The following ABCC2 variants were observed in gnomAD, a reference collection of about 807,000 sequenced individuals.
ABCC2 encodes the protein ATP-binding cassette sub-family C member 2.
Under a neutral mutation model 173.4 loss-of-function variants are expected in ABCC2, and 157 were observed. The ratio of observed to expected loss-of-function variants is 0.91; its 90% CI spans 0.80 to 1.03. The LOEUF is 1.03. Among genes scored for constraint, ABCC2 ranks in the 50% least tolerant of loss-of-function variants. The probability of loss-of-function intolerance (pLI) is 0.00; values close to 1 mark genes in which losing one functional copy is unlikely to be tolerated. For missense variants in ABCC2, 1,822 were observed against 1,852.3 expected, an observed-to-expected ratio of 0.98 and a Z score of 0.30; for synonymous variants, 657 against 693.5, an observed-to-expected ratio of 0.95 and a Z score of 0.83.
intron 19 of ABCC2, 78 bp from the exon 20 acceptor site, chr10:99,830,229 G>A (rs2038713973): frequency 1.3e-6 from 2 of 1,587,490 alleles, no homozygotes; most frequent in Non-Finnish European, 1.7e-6. Flanking sequence ...AAGATCAGAG[G>A]AGGCTTCTCT....
intron 29 of ABCC2, 117 bp downstream of exon 29, chr10:99,845,899 C>A: frequency 8.5e-7 from 1 of 1,177,048 alleles, no homozygotes; most frequent in East Asian, 2.6e-5. Context: ...ACGGTCTACT[C>A]GGGATACTTG....
chr10:99,819,054 A>G, intron 18 of ABCC2, 35 bp from the exon 19 acceptor site: 9 of 1,613,320 alleles, frequency 5.6e-6, no homozygotes, highest in Non-Finnish European at 6.8e-6. Flanking sequence ...TGGTGGACAT[A>G]TGGTAATCAA....
Position 99,814,111 on chromosome 10 carries a change from G to A in ABCC2, c.2094+967G>A, listed in dbSNP as rs201697011. On this transcript the variant is annotated intron_variant, in intron 16 of 31. Transcript: ENST00000647814. ...TATACACATATATATACACACATAT[G>A]TGTATATACACACATATGTGTGTAT... Among the ~76,000 whole-genome samples the A allele has an allele frequency of 2.0e-4, 27 of 135,030 alleles. 2 individuals carry two copies. Among genetic ancestry groups the A allele is most frequent in the South Asian group, 7.1e-4 (3 of 4,208 alleles). The allele number at this position is 135,030 out of a possible 152,430, so 88.6% of individuals were successfully genotyped here. A position where few individuals can be genotyped will look rare whatever the true frequency, so the allele number is the denominator to read the frequency against.
At position 99,796,999 on chromosome 10, in the gene ABCC2, C is replaced by T. The variant is rs2132988136; in HGVS notation, c.633-98C>T. On this transcript the variant is annotated intron_variant, in intron 6 of 31. Transcript: ENST00000647814. ...TGGGGATAGTCCCATTCTTCTGTCC[C>T]TCTATCCCAGAACCTGGAGGTAGGT... 4 of 1,055,468 alleles carry T rather than the reference C, an allele frequency of 3.8e-6. No individual in the cohort carries two copies. The Admixed American group carries it at 5.8e-5, about 15-fold the overall frequency. The allele number at this position is 1,055,468 out of a possible 1,614,324, so 65.4% of individuals were successfully genotyped here. A position where few individuals can be genotyped will look rare whatever the true frequency, so the allele number is the denominator to read the frequency against.
chr10:99,810,248 C>T, intron 14 of ABCC2, 30 bp downstream of exon 14: 1 of 1,583,372 alleles, frequency 6.3e-7, no homozygotes, highest in Non-Finnish European at 8.7e-7. Flanking sequence ...GCTTCCCAAA[C>T]TTATTCGCAG....
At chr10:99,783,255 T>C (rs1227567585) in intron 1 of ABCC2, among the ~76,000 whole-genome samples, 2 of 152,196 alleles carry the variant, frequency 1.3e-5, no homozygotes, top group Admixed American at 6.5e-5. Context: ...GACATGTTGA[T>C]GTTGAAATGA....
chr10:99,808,166 C>T lies in ABCC2; in HGVS notation c.1752C>T (p.Thr584=), dbSNP rs779047071. Reference sequence around the variant, plus strand: ...CACAAAAGGCCTTCACCTCCATTACCCTCTTCAATATCCTGCGCTTTCCCC... The same window carrying T: ...CACAAAAGGCCTTCACCTCCATTACTCTCTTCAATATCCTGCGCTTTCCCC... ...LDAQKAFTSI[T]LFNILRFPLS... The change falls in exon 13 of 32, where the codon ACC becomes ACT. Residue 584 remains threonine (T), a synonymous_variant. Coordinates refer to ENST00000647814, the MANE Select transcript of ABCC2 (RefSeq NM_000392.5). 1 of 1,614,100 alleles carries T rather than the reference C, an allele frequency of 6.2e-7. No homozygotes were observed. Among genetic ancestry groups the T allele is most frequent in the South Asian group, 1.1e-5 (1 of 91,076 alleles).
Position 99,845,744 on chromosome 10 carries a change from CT to C in ABCC2, c.4109del (p.Leu1370ProfsTer8), listed in dbSNP as rs1357021290. 6.2e-7 allele frequency: 1 copy of C among 1,612,588 alleles called. No individual in the cohort carries two copies. The highest frequency in any genetic ancestry group is 8.5e-7 in the Non-Finnish European group (1 of 1,179,674). The part of the protein sequence containing the change: ...IDGVDIASIG[L>X]HDLREKLTII... ...TGGAGTAGATATTGCTTCCATTGGGCTCCACGACCTCCGAGAGAAGCTGACC... is the reference window on the plus strand; with the variant it reads ...TGGAGTAGATATTGCTTCCATTGGGCCCACGACCTCCGAGAGAAGCTGACC... On this transcript the variant is annotated frameshift_variant, in exon 29 of 32. Coordinates refer to ENST00000647814, the MANE Select transcript of ABCC2 (RefSeq NM_000392.5). LOFTEE classifies it high-confidence loss of function.
At chr10:99,787,907 A>T (rs2037745929) in intron 2 of ABCC2, among the ~76,000 whole-genome samples, 1 of 152,006 alleles carries the variant, frequency 6.6e-6, no homozygotes, top group South Asian at 2.1e-4. Flanking sequence ...ACAAAAAATT[A>T]AAAAAATTCA....
intron 15 of ABCC2, among the ~76,000 whole-genome samples, chr10:99,812,018 C>T (rs146224469): frequency 6.6e-6 from 1 of 152,336 alleles, no homozygotes; most frequent in East Asian, 1.9e-4. Flanking sequence ...CAGTGTGTAT[C>T]TTCTGCACAT....
chr10:99,792,458 C>A, intron 3 of ABCC2, 99 bp downstream of exon 3: 1 of 1,557,858 alleles, frequency 6.4e-7, no homozygotes. Context: ...CCAAGGTCAT[C>A]TGTCTTTTTC....
chr10:99,794,526 T>C (rs1241583843), intron 6 of ABCC2, 58 bp downstream of exon 6: 2 of 1,482,414 alleles, frequency 1.3e-6, no homozygotes, highest in Non-Finnish European at 1.9e-6. Flanking sequence ...CCTCTGAAAG[T>C]GTCAGAAAGA....
intron 6 of ABCC2, among the ~76,000 whole-genome samples, chr10:99,795,720 GAAGAAAGAAAGAAAGAAGGAAAGA>G (rs1465596146): frequency 4.9e-5 from 6 of 122,832 alleles, no homozygotes; most frequent in Admixed American, 8.9e-5. Flanking sequence ...GAGAGAGAGA[GAAGAAAGAAAGAAAGAAGGAAAGA>G]AAGAAAGAAA....
chr10:99,846,714 G>A (rs1186933518), intron 29 of ABCC2, among the ~76,000 whole-genome samples: 1 of 151,818 alleles, frequency 6.6e-6, no homozygotes, highest in Non-Finnish European at 1.5e-5. Flanking sequence ...ACTCCAGTCT[G>A]GGCAACAGAG....
chr10:99,842,934 T>C (rs910712419), intron 26 of ABCC2, among the ~76,000 whole-genome samples: 1 of 151,834 alleles, frequency 6.6e-6, no homozygotes, highest in African/African-American at 2.4e-5. Flanking sequence ...GTGTCTGTAA[T>C]CCCAGCTACT....
chr10:99,820,547 C>G (rs2038515380), intron 19 of ABCC2, among the ~76,000 whole-genome samples: 1 of 152,110 alleles, frequency 6.6e-6, no homozygotes, highest in African/African-American at 2.4e-5. Context: ...CACTGGAGCC[C>G]AGGAGTTTGA....
At chr10:99,820,586 C>T (rs1029750685) in intron 19 of ABCC2, among the ~76,000 whole-genome samples, 1 of 152,142 alleles carries the variant, frequency 6.6e-6, no homozygotes, top group Non-Finnish European at 1.5e-5. Flanking sequence ...AGTGAAACCC[C>T]ATCTCTGCTC....
At chr10:99,786,548 G>A (rs984029037) in intron 2 of ABCC2, among the ~76,000 whole-genome samples, 2 of 152,188 alleles carry the variant, frequency 1.3e-5, no homozygotes, top group Non-Finnish European at 2.9e-5. Context: ...GAGATATAAT[G>A]TACATACCAT....
intron 23 of ABCC2, among the ~76,000 whole-genome samples, chr10:99,833,305 G>A (rs1160378224): frequency 6.6e-6 from 1 of 152,202 alleles, no homozygotes; most frequent in Non-Finnish European, 1.5e-5. Context: ...AAAGATCACA[G>A]TTTTCCCCAT....
Sources: allele counts gnomAD v4.1 joint callset (sites outside exome capture counted in the v4.1 genomes callset), GRCh38; gene constraint gnomAD v4.1.1; transcripts MANE v1.5; gene names NCBI Gene and HGNC (gene_info 2026-07-23, HGNC 2026-07-21).